The following PLXNC1 variants were observed in gnomAD, a reference collection of about 807,000 sequenced individuals.
PLXNC1 encodes the protein plexin-C1.
A neutral mutation model predicts 178.2 loss-of-function variants in PLXNC1; 75 were observed. That is an observed-to-expected ratio of 0.42 (90% CI 0.35 to 0.51). The LOEUF (loss-of-function observed/expected upper bound fraction) is 0.51. PLXNC1 is among the 20% of genes least tolerant of loss of function. The pLI, the probability that PLXNC1 is intolerant of heterozygous loss-of-function variation, is 0.02. For synonymous variants in PLXNC1, 790 were observed against 779.9 expected, an observed-to-expected ratio of 1.01 and a Z score of -0.22; for missense variants, 1,503 against 1,984.4, an observed-to-expected ratio of 0.76 and a Z score of 4.61.
intron 21 of PLXNC1, among the ~76,000 whole-genome samples, chr12:94,268,421 A>G (rs959166207): frequency 3.3e-5 from 5 of 151,996 alleles, no homozygotes; most frequent in African/African-American, 1.2e-4. Flanking sequence ...ATCCTTCTCT[A>G]TCAAGCATTC....
chr12:94,198,198 C>G (rs988267476), intron 4 of PLXNC1, among the ~76,000 whole-genome samples: 1 of 152,144 alleles, frequency 6.6e-6, no homozygotes, highest in African/African-American at 2.4e-5. Context: ...AAGGAATGAG[C>G]AGCCATGAAA....
At chr12:94,258,527 A>G (rs1592820366) in intron 17 of PLXNC1, among the ~76,000 whole-genome samples, 1 of 152,242 alleles carries the variant, frequency 6.6e-6, no homozygotes. Context: ...ATTGCTTAAC[A>G]TACTTTTAAA....
At chr12:94,283,583 T>C (rs1966611215) in intron 23 of PLXNC1, among the ~76,000 whole-genome samples, 1 of 152,178 alleles carries the variant, frequency 6.6e-6, no homozygotes, top group African/African-American at 2.4e-5. Flanking sequence ...CAAATCAGTC[T>C]CCCTGAGCGT....
At position 94,248,349 on chromosome 12, in the gene PLXNC1, C is replaced by G. The variant is rs777704667; in HGVS notation, c.2715C>G (p.Ile905Met). The part of the protein sequence containing the change: ...NITRNQDLTT[I>M]LCKIKGIKTA... ...CTAGAAATCAAGATCTTACCACCAT[C>G]CTTTGCAAAATTAAAGGCATCAAGA... Residue 905 changes from isoleucine (I) to methionine (M), a missense_variant, in exon 14 of 31, where the codon ATC becomes ATG. Transcript: ENST00000258526. The G allele has an allele frequency of 1.9e-6, 3 of 1,613,568 alleles. No homozygotes were observed. Among genetic ancestry groups the G allele is most frequent in the Non-Finnish European group, 2.5e-6 (3 of 1,179,844 alleles).
At position 94,169,339 on chromosome 12, in the gene PLXNC1, T is replaced by C. The variant is rs2291325; in HGVS notation, c.1203+46T>C. ...TCAAATGTCTATTTTAATGGTGATA[T>C]TTTGTACTTTAAAAAAACATTTTTT... On this transcript the variant is annotated intron_variant, in intron 2 of 30. Coordinates refer to ENST00000258526, the MANE Select transcript of PLXNC1 (RefSeq NM_005761.3). 9.6e-4 allele frequency: 1,477 copies of C among 1,542,834 alleles called. 17 individuals carry two copies. The East Asian group carries it at 0.026, about 28-fold the overall frequency.
At chr12:94,163,596 CTG>C (rs1961476257) in intron 1 of PLXNC1, among the ~76,000 whole-genome samples, 1 of 152,038 alleles carries the variant, frequency 6.6e-6, no homozygotes, top group Non-Finnish European at 1.5e-5. Context: ...GCTGGGAACA[CTG>C]GGGCCCGTCG....
At chr12:94,209,482 T>C (rs1963400417) in intron 4 of PLXNC1, 108 bp from the exon 5 acceptor site, 1 of 696,558 alleles carries the variant, frequency 1.4e-6, no homozygotes. Flanking sequence ...AGGTCTGGCA[T>C]TTTGTACTGA....
Position 94,307,361 on chromosome 12 carries a change from A to T in PLXNC1, c.*2076A>T, listed in dbSNP as rs553275678. On this transcript the variant is annotated 3_prime_UTR_variant, in exon 31 of 31. Coordinates refer to ENST00000258526, the MANE Select transcript of PLXNC1 (RefSeq NM_005761.3). ...GATCACATTTTGGATCACATTAGCC[A>T]AATGCAGTAAATGGCCAAATTAGAT... 20 of 152,368 alleles carry T rather than the reference A, an allele frequency of 1.3e-4. No individual in the cohort carries two copies. The highest frequency in any genetic ancestry group is 3.9e-4 in the Admixed American group (6 of 15,302). The allele number at this position is 152,368 out of a possible 1,614,324, so 9.4% of individuals were successfully genotyped here. A position where few individuals can be genotyped will look rare whatever the true frequency, so the allele number is the denominator to read the frequency against.
At chr12:94,273,010 C>A (rs1395546334) in intron 21 of PLXNC1, among the ~76,000 whole-genome samples, 1 of 152,084 alleles carries the variant, frequency 6.6e-6, no homozygotes, top group Non-Finnish European at 1.5e-5. Flanking sequence ...AGTCAGGACA[C>A]GTCCTAGTTA....
chr12:94,293,831 G>A (rs1380954635), intron 23 of PLXNC1, among the ~76,000 whole-genome samples: 1 of 152,086 alleles, frequency 6.6e-6, no homozygotes, highest in East Asian at 1.9e-4. Flanking sequence ...ATGTTGCCCA[G>A]GCTGGTCTCA....
intron 9 of PLXNC1, 90 bp downstream of exon 9, chr12:94,227,325 A>C: frequency 1.4e-6 from 1 of 733,218 alleles, no homozygotes; most frequent in Admixed American, 2.8e-5. Context: ...CCTTAAAAAA[A>C]TTCTCTATTT....
chr12:94,193,239 G>C (rs761585680), intron 4 of PLXNC1, among the ~76,000 whole-genome samples: 1 of 152,190 alleles, frequency 6.6e-6, no homozygotes, highest in African/African-American at 2.4e-5. Flanking sequence ...ACCAGATCAG[G>C]TGAGTGTTTT....
chr12:94,256,771 CT>C (rs1964853901), intron 17 of PLXNC1, among the ~76,000 whole-genome samples: 1 of 146,100 alleles, frequency 6.8e-6, no homozygotes, highest in South Asian at 2.2e-4. Flanking sequence ...ATGTTCTTAT[CT>C]TCTAAATTTG....
At chr12:94,220,767 AG>A (rs1314315313) in intron 6 of PLXNC1, among the ~76,000 whole-genome samples, 3 of 152,240 alleles carry the variant, frequency 2.0e-5, no homozygotes, top group Admixed American at 2.0e-4. Flanking sequence ...TGGAGGGGGA[AG>A]GGGTAAGGAA....
Position 94,227,241 on chromosome 12 carries a change from A to T in PLXNC1, c.1980+6A>T. ...GAACCAACCAGGCTTTACAGGTCAGACCCTATTTTTGTGTGGTTGAGGGGA... is the reference window on the plus strand; with the variant it reads ...GAACCAACCAGGCTTTACAGGTCAGTCCCTATTTTTGTGTGGTTGAGGGGA... On this transcript the variant is annotated splice_donor_region_variant and intron_variant, in intron 9 of 30. Transcript: ENST00000258526. 1.3e-6 allele frequency: 2 copies of T among 1,585,580 alleles called. No individual in the cohort carries two copies. Among genetic ancestry groups the T allele is most frequent in the Non-Finnish European group, 1.7e-6 (2 of 1,154,326 alleles).
chr12:94,169,940 AAAT>A (rs1175479976), intron 2 of PLXNC1, among the ~76,000 whole-genome samples: 2 of 152,196 alleles, frequency 1.3e-5, no homozygotes, highest in East Asian at 3.8e-4. Context: ...GAGGAGGAGA[AAAT>A]AAAATCAGAG....
chr12:94,259,284 C>T (rs1964932832), intron 17 of PLXNC1, 53 bp from the exon 18 acceptor site: 2 of 1,357,516 alleles, frequency 1.5e-6, no homozygotes, highest in African/African-American at 1.5e-5. Flanking sequence ...CAAAAATACA[C>T]TCTTCATTTC....
intron 5 of PLXNC1, among the ~76,000 whole-genome samples, chr12:94,215,729 A>G (rs1338343710): frequency 6.6e-6 from 1 of 152,194 alleles, no homozygotes; most frequent in African/African-American, 2.4e-5. Context: ...AAATTATTTC[A>G]TAAAATGTGT....
rs1565790377 is a variant in PLXNC1 at position 94,169,189 on chromosome 12, GCAT to G, written c.1104_1106del (p.Ser369del). The G allele has an allele frequency of 1.2e-6, 2 of 1,613,612 alleles. No individual in the cohort carries two copies. Among genetic ancestry groups the G allele is most frequent in the South Asian group, 2.2e-5 (2 of 91,052 alleles). ...TCAACCTGAAAGAGTCCAACCAATC[GCAT>G]CATCTACCTTGATCCATTCCGACCT... is the stretch of plus-strand genomic sequence containing the variant. On this transcript the variant is annotated inframe_deletion, in exon 2 of 31. Transcript: ENST00000258526.
Sources: gnomAD v4.1 joint callset for allele counts (sites outside exome capture counted in the v4.1 genomes callset) on GRCh38, gnomAD v4.1.1 for gene constraint, MANE v1.5 for transcripts, NCBI Gene and HGNC (gene_info 2026-07-23, HGNC 2026-07-21) for gene names.